Variants in CPPED1 observed in about 807,000 individuals in gnomAD.
CPPED1 encodes the protein serine/threonine-protein phosphatase CPPED1.
In CPPED1, 28 loss-of-function variants were observed where a neutral mutation model predicts 28.0. The observed-to-expected ratio is 1.00, with a 90% confidence interval of 0.74 to 1.37. CPPED1 has a LOEUF of 1.37. CPPED1 is among the 40% of genes most tolerant of loss of function. The pLI is 0.00. For synonymous variants in CPPED1, 198 were observed against 180.2 expected (o/e 1.10, Z -0.79); for missense variants, 504 against 416.5 (o/e 1.21, Z -1.83).
At chr16:12,669,857 G>C (rs1043135669) in intron 3 of CPPED1, among the ~76,000 whole-genome samples, 8 of 152,192 alleles carry the variant, frequency 5.3e-5, no homozygotes, top group Non-Finnish European at 1.2e-4. Context: ...TGCCAGAAAG[G>C]ATAGTGGTGC....
intron 2 of CPPED1, among the ~76,000 whole-genome samples, chr16:12,766,258 G>A (rs61652917): frequency 8.5e-6 from 1 of 117,296 alleles, no homozygotes; most frequent in Non-Finnish European, 1.7e-5. Context: ...TATATATATA[G>A]AGAGAGAGAG....
chr16:12,749,530 C>T (rs185973066), intron 2 of CPPED1, among the ~76,000 whole-genome samples: 18 of 152,300 alleles, frequency 1.2e-4, no homozygotes, highest in East Asian at 5.8e-4. Flanking sequence ...TGACTGGAAT[C>T]GACTTCTTCC....
chr16:12,702,356 G>C (rs2080025065), intron 3 of CPPED1, among the ~76,000 whole-genome samples: 1 of 152,050 alleles, frequency 6.6e-6, no homozygotes, highest in Non-Finnish European at 1.5e-5. Context: ...GTGCAACACA[G>C]TCAGACCCCG....
At chr16:12,705,542 G>C (rs1276312451) in intron 2 of CPPED1, among the ~76,000 whole-genome samples, 3 of 152,192 alleles carry the variant, frequency 2.0e-5, no homozygotes, top group Non-Finnish European at 2.9e-5. Context: ...TGGATCACCT[G>C]AGGTCAGGAG....
intron 3 of CPPED1, among the ~76,000 whole-genome samples, chr16:12,697,501 G>C (rs1257086131): frequency 6.6e-6 from 1 of 152,142 alleles, no homozygotes; most frequent in African/African-American, 2.4e-5. Flanking sequence ...GTTACAATGG[G>C]GTCGTCAGAT....
At chr16:12,789,639 C>T (rs751574541) in intron 1 of CPPED1, among the ~76,000 whole-genome samples, 3 of 152,130 alleles carry the variant, frequency 2.0e-5, no homozygotes, top group Non-Finnish European at 2.9e-5. Flanking sequence ...GATCCTCCCA[C>T]GTCAGCCTCT....
At chr16:12,673,309 C>T (rs2079862010) in intron 3 of CPPED1, among the ~76,000 whole-genome samples, 1 of 152,212 alleles carries the variant, frequency 6.6e-6, no homozygotes, top group Non-Finnish European at 1.5e-5. Flanking sequence ...TAAGATCAGC[C>T]CTGCCTGGGG....
intron 2 of CPPED1, among the ~76,000 whole-genome samples, chr16:12,780,588 G>A (rs531243040): frequency 6.6e-6 from 1 of 152,062 alleles, no homozygotes; most frequent in Non-Finnish European, 1.5e-5. Flanking sequence ...GAGCCTGAAC[G>A]TAAATGAGGT....
intron 2 of CPPED1, among the ~76,000 whole-genome samples, chr16:12,723,084 C>T (rs991422698): frequency 2.0e-5 from 3 of 152,168 alleles, no homozygotes; most frequent in Admixed American, 6.5e-5. Context: ...GCAACGTCTC[C>T]ACCCGGCTCC....
At chr16:12,743,063 C>T (rs2080264920) in intron 2 of CPPED1, among the ~76,000 whole-genome samples, 1 of 152,190 alleles carries the variant, frequency 6.6e-6, no homozygotes, top group African/African-American at 2.4e-5. Context: ...CTCTGTCCAA[C>T]ATATACCCAA....
At chr16:12,693,472 A>T (rs1210887984) in intron 3 of CPPED1, among the ~76,000 whole-genome samples, 1 of 151,706 alleles carries the variant, frequency 6.6e-6, no homozygotes, top group African/African-American at 2.4e-5. Flanking sequence ...CTGGAATTAC[A>T]GGGGTGAGTC....
chr16:12,729,575 A>G (rs2080187016), intron 2 of CPPED1, among the ~76,000 whole-genome samples: 1 of 152,186 alleles, frequency 6.6e-6, no homozygotes, highest in Non-Finnish European at 1.5e-5. Context: ...AGTACTGGTG[A>G]GAGGCGGAGG....
chr16:12,699,782 A>C (rs1370536534), intron 3 of CPPED1, among the ~76,000 whole-genome samples: 2 of 147,044 alleles, frequency 1.4e-5, no homozygotes, highest in Non-Finnish European at 3.0e-5. Flanking sequence ...AGTAGTAGGG[A>C]ATAATATTGC....
chr16:12,736,709 C>G (rs1249960872), intron 2 of CPPED1, among the ~76,000 whole-genome samples: 1 of 152,184 alleles, frequency 6.6e-6, no homozygotes, highest in Non-Finnish European at 1.5e-5. Flanking sequence ...AATCTAAACA[C>G]TAAGATTCTA....
chr16:12,777,903 CTT>C (rs67527035), intron 2 of CPPED1, among the ~76,000 whole-genome samples: 38 of 126,602 alleles, frequency 3.0e-4, no homozygotes, highest in Admixed American at 1.8e-3. Flanking sequence ...TTTCTATTTT[CTT>C]TTTTTTTTTT....
At chr16:12,789,816 T>G (rs1235265706) in intron 1 of CPPED1, among the ~76,000 whole-genome samples, 1 of 152,166 alleles carries the variant, frequency 6.6e-6, no homozygotes, top group Admixed American at 6.6e-5. Flanking sequence ...CATGAGCCAC[T>G]GCATCCAGCC....
chr16:12,704,474 G>T, intron 3 of CPPED1, 150 bp downstream of exon 3: 2 of 741,902 alleles, frequency 2.7e-6, no homozygotes, highest in Non-Finnish European at 4.4e-6. Flanking sequence ...AGCCAGACAT[G>T]CAGTCTGCAA....
At chr16:12,748,026 T>C (rs550772838) in intron 2 of CPPED1, among the ~76,000 whole-genome samples, 1 of 152,280 alleles carries the variant, frequency 6.6e-6, no homozygotes, top group South Asian at 2.1e-4. Context: ...AAACAGCCAG[T>C]GGACATTCGC....
chr16:12,782,201 T>A (rs2080536027), intron 1 of CPPED1, among the ~76,000 whole-genome samples: 1 of 152,182 alleles, frequency 6.6e-6, no homozygotes, highest in South Asian at 2.1e-4. Context: ...CAGTGCCTGC[T>A]TGGGCAGAGC....
Sources: allele counts gnomAD v4.1 joint callset (sites outside exome capture counted in the v4.1 genomes callset), GRCh38; gene constraint gnomAD v4.1.1; transcripts MANE v1.5; gene names NCBI Gene and HGNC (gene_info 2026-07-23, HGNC 2026-07-21).